Variants in HLCS observed in about 807,000 individuals in gnomAD.
HLCS encodes biotin--protein ligase.
HLCS carries 53 observed loss-of-function variants against 75.0 expected under a neutral mutation model. The observed-to-expected ratio is 0.71, with a 90% CI of 0.57 to 0.89. HLCS has a LOEUF of 0.89. Among genes scored for constraint, HLCS ranks in the 40% least tolerant of loss-of-function variants. The pLI is 0.00. For missense variants in HLCS, 966 were observed against 1,074.0 expected, an observed-to-expected ratio of 0.90 and a Z score of 1.41; for synonymous variants, 431 against 428.6, an observed-to-expected ratio of 1.01 and a Z score of -0.07.
At chr21:36,904,640 C>T (rs1422291655) in intron 5 of HLCS, among the ~76,000 whole-genome samples, 2 of 152,154 alleles carry the variant, frequency 1.3e-5, no homozygotes, top group African/African-American at 2.4e-5. Flanking sequence ...AAAACTTTCT[C>T]CCCGCTCCAC....
At chr21:36,873,993 GA>G (rs1461399289) in intron 6 of HLCS, among the ~76,000 whole-genome samples, 1 of 152,192 alleles carries the variant, frequency 6.6e-6, no homozygotes, top group Non-Finnish European at 1.5e-5. Context: ...CGCAAGTCAT[GA>G]AGATATTGTT....
intron 2 of HLCS, among the ~76,000 whole-genome samples, chr21:36,949,549 C>T (rs1027235511): frequency 7.9e-5 from 12 of 152,192 alleles, no homozygotes; most frequent in African/African-American, 2.9e-4. Flanking sequence ...TCTACCATAT[C>T]CCAATGGACA....
At chr21:36,911,480 C>T (rs1290218823) in intron 5 of HLCS, among the ~76,000 whole-genome samples, 1 of 152,154 alleles carries the variant, frequency 6.6e-6, no homozygotes, top group Non-Finnish European at 1.5e-5. Context: ...CACAGTGGCT[C>T]ATGCCCGTAA....
At position 36,792,632 on chromosome 21, in the gene HLCS, G is replaced by A. The variant is rs373464076; in HGVS notation, c.1893-25347C>T. Among the ~76,000 whole-genome samples, 3 of 152,266 alleles carry A rather than the reference G, an allele frequency of 2.0e-5. No homozygotes were observed. The East Asian group carries it at 5.8e-4, about 29-fold the overall frequency. Reference sequence around the variant, plus strand: ...GCAATGACAATCCCCATTTGTAGATGAGGCACCTGCTCAGAGAACTGAAGT... The same window carrying A: ...GCAATGACAATCCCCATTTGTAGATAAGGCACCTGCTCAGAGAACTGAAGT... On this transcript the variant is annotated intron_variant, in intron 6 of 10. Coordinates refer to ENST00000674895, the MANE Select transcript of HLCS (RefSeq NM_001352514.2).
At chr21:36,847,515 G>A (rs984741666) in intron 6 of HLCS, among the ~76,000 whole-genome samples, 1 of 151,954 alleles carries the variant, frequency 6.6e-6, no homozygotes, top group Non-Finnish European at 1.5e-5. Context: ...TTTTATATAA[G>A]GTAAGTAATG....
In HLCS at chr21:36,892,611, G is replaced by T. The variant is rs533401083; in HGVS notation, c.1892+4249C>A. ...CATCTTCCTTGAGGAAGAGGTGAGA[G>T]TTTTCTATGGAGGGGAAGACAAATG... On this transcript the variant is annotated intron_variant, in intron 6 of 10. Transcript: ENST00000674895. Among the ~76,000 whole-genome samples, 231 of 152,324 alleles carry T rather than the reference G, an allele frequency of 1.5e-3. 2 individuals carry two copies. The highest frequency in any genetic ancestry group is 5.3e-3 in the African/African-American group (221 of 41,562).
chr21:36,783,592 A>T (rs1315284605), intron 6 of HLCS, among the ~76,000 whole-genome samples: 1 of 152,194 alleles, frequency 6.6e-6, no homozygotes, highest in African/African-American at 2.4e-5. Context: ...AAAGGAACAA[A>T]GAACTGGCAT....
At chr21:36,950,823 A>C (rs1475460225) in intron 2 of HLCS, among the ~76,000 whole-genome samples, 1 of 152,204 alleles carries the variant, frequency 6.6e-6, no homozygotes, top group African/African-American at 2.4e-5. Context: ...ATGAAAAAAC[A>C]CACACAGCAT....
intron 2 of HLCS, among the ~76,000 whole-genome samples, chr21:36,951,577 T>C (rs545616617): frequency 9.2e-5 from 14 of 152,320 alleles, no homozygotes; most frequent in African/African-American, 2.9e-4. Flanking sequence ...CACTGTGAAC[T>C]CCTTACAAAC....
Position 36,748,761 on chromosome 21 carries a change from T to C in HLCS, c.*5485A>G, listed in dbSNP as rs1365488959. ...CTTCCCAAATACATTAACAAGCTCT[T>C]ACTTCCCCCTAACCCCTATGAACTC... On this transcript the variant is annotated 3_prime_UTR_variant, in exon 11 of 11. Coordinates refer to ENST00000674895, the MANE Select transcript of HLCS (RefSeq NM_001352514.2). The C allele has an allele frequency of 1.3e-5, 2 of 152,662 alleles. No homozygotes were observed. The highest frequency in any genetic ancestry group is 4.8e-5 in the African/African-American group (2 of 41,448). 9.5% of individuals were successfully genotyped at this position (152,662 alleles called of 1,614,324 possible). A position where few individuals can be genotyped will look rare whatever the true frequency, so the allele number is the denominator to read the frequency against.
intron 6 of HLCS, among the ~76,000 whole-genome samples, chr21:36,882,106 C>A (rs1216817720): frequency 6.6e-6 from 1 of 151,954 alleles, no homozygotes; most frequent in East Asian, 1.9e-4. Flanking sequence ...CACGGTGAAA[C>A]CCCGTCTCTA....
chr21:36,897,257 T>C (rs867332091), intron 5 of HLCS, 126 bp from the exon 6 acceptor site: 16 of 886,592 alleles, frequency 1.8e-5, no homozygotes, highest in Middle Eastern at 2.2e-4. Context: ...AAAAGCTAGA[T>C]TAACATATTC....
Position 36,886,578 on chromosome 21 carries a change from G to A in HLCS, c.1892+10282C>T, listed in dbSNP as rs142936652. On this transcript the variant is annotated intron_variant, in intron 6 of 10. Coordinates refer to ENST00000674895, the MANE Select transcript of HLCS (RefSeq NM_001352514.2). ...GTGACATTCACTCCTGCTGTTCTGCGCAGTCAAATTTGGGATGCTTCAAGT... is the reference window on the plus strand; with the variant it reads ...GTGACATTCACTCCTGCTGTTCTGCACAGTCAAATTTGGGATGCTTCAAGT... 2.1e-3 allele frequency among the ~76,000 whole-genome samples: 315 copies of A among 152,182 alleles called. 2 individuals are homozygous for A. The highest frequency in any genetic ancestry group is 3.4e-3 in the Non-Finnish European group (230 of 68,008).
chr21:36,906,014 C>T (rs888346259), intron 5 of HLCS, among the ~76,000 whole-genome samples: 19 of 145,596 alleles, frequency 1.3e-4, no homozygotes, highest in African/African-American at 4.9e-4. Flanking sequence ...TGTACCATTG[C>T]ACTCCAGGCT....
At chr21:36,758,289 G>A (rs898687917) in intron 9 of HLCS, among the ~76,000 whole-genome samples, 2 of 151,942 alleles carry the variant, frequency 1.3e-5, no homozygotes, top group African/African-American at 4.8e-5. Context: ...TGTATTTTTA[G>A]TGGAGACAGG....
intron 6 of HLCS, among the ~76,000 whole-genome samples, chr21:36,780,299 G>A (rs931563505): frequency 1.3e-5 from 2 of 152,056 alleles, no homozygotes; most frequent in Non-Finnish European, 2.9e-5. Flanking sequence ...CTGGAGTGCA[G>A]TGGCGCGATC....
intron 2 of HLCS, chr21:36,948,294 A>G (rs1027555210): frequency 2.0e-5 from 3 of 147,708 alleles, no homozygotes; most frequent in Admixed American, 1.3e-4. Context: ...CCGTCTAGAA[A>G]AAAAAAAAAA....
chr21:36,848,011 C>A (rs2062855104), intron 6 of HLCS, among the ~76,000 whole-genome samples: 1 of 152,194 alleles, frequency 6.6e-6, no homozygotes, highest in Non-Finnish European at 1.5e-5. Flanking sequence ...AACGGATATA[C>A]AATTAACCTC....
intron 6 of HLCS, among the ~76,000 whole-genome samples, chr21:36,781,486 T>C (rs2060532450): frequency 6.6e-6 from 1 of 152,194 alleles, no homozygotes; most frequent in South Asian, 2.1e-4. Flanking sequence ...TATTTTATCT[T>C]ATTTGTTGCT....
Sources: allele counts gnomAD v4.1 joint callset (sites outside exome capture counted in the v4.1 genomes callset), GRCh38; gene constraint gnomAD v4.1.1; transcripts MANE v1.5; gene names NCBI Gene and HGNC (gene_info 2026-07-23, HGNC 2026-07-21).